Variants in TRIP12 observed in about 807,000 individuals in gnomAD.
The protein encoded by TRIP12 is thyroid hormone receptor interactor 12.
Under a neutral mutation model 244.2 loss-of-function variants are expected in TRIP12, and 25 were observed. The observed-to-expected ratio is 0.10, with a 90% CI of 0.07 to 0.14. The LOEUF is 0.14. Ranked by LOEUF, TRIP12 falls within the 10% of genes least tolerant of loss-of-function variation. The pLI is 1.00. For missense variants in TRIP12, 1,677 were observed against 2,486.4 expected (o/e 0.67, Z 6.92); for synonymous variants, 905 against 873.1 (o/e 1.04, Z -0.64).
intron 2 of TRIP12, among the ~76,000 whole-genome samples, chr2:229,863,589 A>G (rs1487656989): frequency 5.9e-5 from 9 of 152,244 alleles, no homozygotes. Context: ...ACCCTGGCTA[A>G]CAAGGAATAG....
At position 229,788,860 on chromosome 2, in the gene TRIP12, T is replaced by C; in HGVS notation, c.4776A>G (p.Gln1592=). 3 of 1,614,126 alleles carry C rather than the reference T, an allele frequency of 1.9e-6. No homozygotes were observed. Among genetic ancestry groups the C allele is most frequent in the Middle Eastern group, 3.3e-4 (2 of 6,062 alleles). The change falls in exon 32 of 42, where the codon CAA becomes CAG. Residue 1592 remains glutamine (Q), a synonymous_variant. Coordinates refer to ENST00000675903, the MANE Select transcript of TRIP12 (RefSeq NM_001348323.3). ...TTCCTGTCATGATTACTAAAGGATC[T>C]TGAAGTTGCCTATTTGCTTTTGCTG... ...KLTAKANRQL[Q]DPLVIMTGNI...
chr2:229,783,319 G>T (rs931548948), intron 34 of TRIP12, among the ~76,000 whole-genome samples: 1 of 152,212 alleles, frequency 6.6e-6, no homozygotes. Context: ...GAAGTGAGTA[G>T]TTGTGATGGA....
upstream of TRIP12, chr2:229,922,580 T>G (rs751292712): frequency 7.4e-6 from 12 of 1,614,062 alleles, no homozygotes; most frequent in Non-Finnish European, 1.7e-6. Flanking sequence ...TAGCAAAGAC[T>G]ATTACCAGTT....
intron 2 of TRIP12, among the ~76,000 whole-genome samples, chr2:229,863,064 A>AT (rs571605884): frequency 6.1e-4 from 93 of 151,934 alleles, no homozygotes; most frequent in Admixed American, 4.0e-3. Context: ...CCCGTCTCTA[A>AT]TAAAAACTAC....
At chr2:229,790,431 G>A (rs1009699570) in intron 30 of TRIP12, among the ~76,000 whole-genome samples, 1 of 148,260 alleles carries the variant, frequency 6.7e-6, no homozygotes, top group Non-Finnish European at 1.5e-5. Flanking sequence ...CTTTTATATC[G>A]AACAAACTTA....
chr2:229,922,775 G>C (rs1020993043), upstream of TRIP12, among the ~76,000 whole-genome samples: 2 of 152,164 alleles, frequency 1.3e-5, no homozygotes, highest in African/African-American at 4.8e-5. Flanking sequence ...TCCTCGGTCC[G>C]ACGGCCCGCG....
At chr2:229,912,424 T>C (rs2154378406) in intron 1 of TRIP12, among the ~76,000 whole-genome samples, 1 of 152,360 alleles carries the variant, frequency 6.6e-6, no homozygotes, top group Admixed American at 6.5e-5. Context: ...TTCCGTGATC[T>C]CCCATTTAAG....
intron 34 of TRIP12, among the ~76,000 whole-genome samples, chr2:229,782,513 C>T (rs1243048192): frequency 1.3e-5 from 2 of 152,274 alleles, no homozygotes; most frequent in East Asian, 3.9e-4. Flanking sequence ...CTCTTTGGTA[C>T]CTTTGTCCTG....
At chr2:229,848,787 T>A (rs943295571) in intron 4 of TRIP12, among the ~76,000 whole-genome samples, 1 of 152,148 alleles carries the variant, frequency 6.6e-6, no homozygotes. Flanking sequence ...GGTGCCAGTA[T>A]TGAAAGACAG....
chr2:229,901,520 G>A (rs2070824260), intron 1 of TRIP12, among the ~76,000 whole-genome samples: 2 of 151,768 alleles, frequency 1.3e-5, no homozygotes, highest in South Asian at 2.1e-4. Flanking sequence ...CAACTTGGGA[G>A]GCTGAGGCAG....
chr2:229,766,312 T>C lies in TRIP12; in HGVS notation c.*1242A>G, dbSNP rs950443612. 3.3e-5 allele frequency: 5 copies of C among 152,192 alleles called. No homozygotes were observed. The highest frequency in any genetic ancestry group is 1.2e-4 in the African/African-American group (5 of 41,450). 9.4% of individuals were successfully genotyped at this position (152,192 alleles called of 1,614,324 possible). A position where few individuals can be genotyped will look rare whatever the true frequency, so the allele number is the denominator to read the frequency against. On this transcript the variant is annotated 3_prime_UTR_variant, in exon 42 of 42. Transcript: ENST00000675903. ...GACCCGAATCATGGAGATATGTGGA[T>C]TTCCTTGCATTGAAATACATCTATA...
rs970742936 is a variant in TRIP12, at chr2:229,789,692, T to C, written c.4614A>G (p.Thr1538=). Reference sequence around the variant, plus strand: ...TCACATCTAATGACGGGTCTTCAAATGTTATATTTTCAGGTGGTGTGGGAA... The same window carrying C: ...TCACATCTAATGACGGGTCTTCAAACGTTATATTTTCAGGTGGTGTGGGAA... ...YLIPTPPENI[T]FEDPSLDVIL... The change falls in exon 31 of 42, where the codon ACA becomes ACG. Residue 1538 remains threonine (T), a synonymous_variant. Transcript: ENST00000675903. 1.2e-6 allele frequency: 2 copies of C among 1,614,106 alleles called. No individual in the cohort carries two copies. Among genetic ancestry groups the C allele is most frequent in the Non-Finnish European group, 8.5e-7 (1 of 1,179,992 alleles).
intron 5 of TRIP12, 124 bp downstream of exon 5, chr2:229,840,698 G>A (rs1424993568): frequency 2.5e-5 from 19 of 748,872 alleles, no homozygotes; most frequent in East Asian, 6.0e-5. Context: ...GCAAGACTCC[G>A]TCAAAAAACA....
At chr2:229,804,776 C>A (rs1025577208) in intron 18 of TRIP12, among the ~76,000 whole-genome samples, 8 of 152,192 alleles carry the variant, frequency 5.3e-5, no homozygotes, top group African/African-American at 1.9e-4. Context: ...TATTAGAACG[C>A]AGCCATGTAC....
chr2:229,880,380 G>T (rs944725991), intron 1 of TRIP12, among the ~76,000 whole-genome samples: 2 of 152,116 alleles, frequency 1.3e-5, no homozygotes, highest in Non-Finnish European at 2.9e-5. Flanking sequence ...TAGATTTCAC[G>T]GAATAGCCAG....
chr2:229,889,679 C>T (rs938121760), intron 1 of TRIP12, among the ~76,000 whole-genome samples: 7 of 152,260 alleles, frequency 4.6e-5, no homozygotes, highest in Non-Finnish European at 8.8e-5. Context: ...TTTTTTAAGA[C>T]TCCAACCTAA....
chr2:229,843,720 AAAAT>A (rs1178309988), intron 4 of TRIP12, among the ~76,000 whole-genome samples: 10 of 152,174 alleles, frequency 6.6e-5, no homozygotes, highest in Non-Finnish European at 1.2e-4. Context: ...GTCTCCACAA[AAAAT>A]AAATAAATAA....
intron 4 of TRIP12, among the ~76,000 whole-genome samples, chr2:229,852,571 T>C (rs2058919987): frequency 6.6e-6 from 1 of 152,232 alleles, no homozygotes; most frequent in Non-Finnish European, 1.5e-5. Context: ...GAGACAGCTA[T>C]AACTTCCTAA....
rs2031500540 is a variant in TRIP12 at position 229,765,644 on chromosome 2, C to T, written c.*1910G>A. ...TATACATGTCTAAATTTTAACAGAA[C>T]CCTTTAAAAATCAGGAACAAAATGC... is the stretch of plus-strand genomic sequence containing the variant. On this transcript the variant is annotated 3_prime_UTR_variant, in exon 42 of 42. Coordinates refer to ENST00000675903, the MANE Select transcript of TRIP12 (RefSeq NM_001348323.3). 6.6e-6 allele frequency: 1 copy of T among 152,138 alleles called. No individual in the cohort carries two copies. The highest frequency in any genetic ancestry group is 6.5e-5 in the Admixed American group (1 of 15,272). 9.4% of individuals were successfully genotyped at this position (152,138 alleles called of 1,614,324 possible).
Sources: allele counts gnomAD v4.1 joint callset (sites outside exome capture counted in the v4.1 genomes callset), GRCh38; gene constraint gnomAD v4.1.1; transcripts MANE v1.5; gene names NCBI Gene and HGNC (gene_info 2026-07-23, HGNC 2026-07-21).